Variants in SH3RF3 observed in about 807,000 individuals in gnomAD.
SH3RF3 encodes the protein E3 ubiquitin-protein ligase SH3RF3.
In SH3RF3, 29 loss-of-function variants were observed where a neutral mutation model predicts 66.3. That is an observed-to-expected ratio of 0.44 (90% CI 0.33 to 0.60). SH3RF3 has a LOEUF of 0.60. Among genes scored for constraint, SH3RF3 ranks in the 20% least tolerant of loss-of-function variants. The pLI is 0.04. For missense variants in SH3RF3, 1,194 were observed against 1,190.9 expected (o/e 1.00, Z -0.04); for synonymous variants, 583 against 532.0 (o/e 1.10, Z -1.32).
chr2:109,143,274 A>G (rs868609666), intron 1 of SH3RF3, among the ~76,000 whole-genome samples: 3 of 152,244 alleles, frequency 2.0e-5, no homozygotes, highest in Non-Finnish European at 4.4e-5. Context: ...GAACTCATTA[A>G]GTAAGTATCG....
chr2:109,431,145 C>T (rs145690481), intron 5 of SH3RF3, among the ~76,000 whole-genome samples: 10 of 152,306 alleles, frequency 6.6e-5, no homozygotes, highest in African/African-American at 2.4e-4. Flanking sequence ...AAGTGGGGTT[C>T]CTCCAGCATC....
At chr2:109,335,434 G>A (rs1258909602) in intron 1 of SH3RF3, among the ~76,000 whole-genome samples, 5 of 152,114 alleles carry the variant, frequency 3.3e-5, no homozygotes, top group East Asian at 1.9e-4. Flanking sequence ...TCTTCCACAC[G>A]CCACCTCCTC....
At chr2:109,298,459 G>C (rs529357450) in intron 1 of SH3RF3, among the ~76,000 whole-genome samples, 1 of 152,192 alleles carries the variant, frequency 6.6e-6, no homozygotes, top group Non-Finnish European at 1.5e-5. Context: ...ACGGCTCAGG[G>C]AAAAACCATT....
Position 109,437,137 on chromosome 2 carries a change from A to G in SH3RF3, c.1819A>G (p.Ile607Val). 1 of 1,610,268 alleles carries G rather than the reference A, an allele frequency of 6.2e-7. No individual in the cohort carries two copies. The highest frequency in any genetic ancestry group is 8.5e-7 in the Non-Finnish European group (1 of 1,177,564). Residue 607 changes from isoleucine (I) to valine (V), a missense_variant, in exon 7 of 10, where the codon ATT becomes GTT. Physicochemically the swap from Ile to Val is conservative, Grantham distance 29 (BLOSUM62 3). Coordinates refer to ENST00000309415, the MANE Select transcript of SH3RF3 (RefSeq NM_001099289.3). ...AACGGCCAGCCAAGCCCGGAGCACC[A>G]TTTCAACAGGTACCTTCACAGGGGC... is the stretch of plus-strand genomic sequence containing the variant. The part of the protein sequence containing the change: ...QPTASQARST[I>V]STAAHSAAQA...
intron 1 of SH3RF3, among the ~76,000 whole-genome samples, chr2:109,227,365 C>T (rs1346634583): frequency 6.6e-6 from 1 of 152,192 alleles, no homozygotes; most frequent in Non-Finnish European, 1.5e-5. Context: ...TCCTGGTTCT[C>T]AGGTCCTTAG....
At position 109,502,628 on chromosome 2, in the gene SH3RF3, T is replaced by G. The variant is rs1573302934; in HGVS notation, c.*957T>G. On this transcript the variant is annotated 3_prime_UTR_variant, in exon 10 of 10. Transcript: ENST00000309415. ...TTGGAAGCAGCCGGTTTCTTTAAAC[T>G]CTTACCAAAACCCCGCGCTCTGTCT... The G allele has an allele frequency of 6.6e-6, 1 of 152,162 alleles. No individual in the cohort carries two copies. The highest frequency in any genetic ancestry group is 2.4e-5 in the African/African-American group (1 of 41,432). 9.4% of individuals were successfully genotyped at this position (152,162 alleles called of 1,614,324 possible).
intron 1 of SH3RF3, among the ~76,000 whole-genome samples, chr2:109,170,261 T>TCTC (rs1553479465): frequency 1.8e-5 from 1 of 55,190 alleles, no homozygotes; most frequent in African/African-American, 5.3e-5. Context: ...TCTCTTCTCT[T>TCTC]CTCTTCTCTT....
At chr2:109,409,025 A>AG (rs1316071842) in intron 4 of SH3RF3, among the ~76,000 whole-genome samples, 3 of 152,232 alleles carry the variant, frequency 2.0e-5, no homozygotes, top group Non-Finnish European at 2.9e-5. Context: ...TAGGCGAGAA[A>AG]GGGGTCCTAT....
At chr2:109,275,883 T>C (rs1010206685) in intron 1 of SH3RF3, among the ~76,000 whole-genome samples, 2 of 152,192 alleles carry the variant, frequency 1.3e-5, no homozygotes, top group African/African-American at 4.8e-5. Context: ...GAGTCCACTC[T>C]AGGTTTATGG....
Position 109,437,073 on chromosome 2 carries a change from G to A in SH3RF3, c.1755G>A (p.Ser585=), listed in dbSNP as rs369152016. 97 of 1,613,506 alleles carry A rather than the reference G, an allele frequency of 6.0e-5. No individual in the cohort carries two copies. In the African/African-American group the frequency reaches 9.7e-4, roughly 16 times the overall value. Residue 585 remains serine (S), a synonymous_variant, in exon 7 of 10, where the codon TCG becomes TCA. Transcript: ENST00000309415. ...PQAHAQHPTA[S]PPTGSCLRHS... is the part of the protein sequence containing the mutation. ...CCCACGCCCAGCACCCCACAGCCTC[G>A]CCCCCAACAGGCAGCTGTCTACGGC...
In SH3RF3 at chr2:109,472,092, A is replaced by G. The variant is rs1678531125; in HGVS notation, c.2149-18513A>G. ...TTCAAATTCCCATCCTTTTCTAATT[A>G]TTAATTAGATTGTTAATTATTATTA... On this transcript the variant is annotated intron_variant, in intron 8 of 9. Coordinates refer to ENST00000309415, the MANE Select transcript of SH3RF3 (RefSeq NM_001099289.3). 2.0e-5 allele frequency among the ~76,000 whole-genome samples: 3 copies of G among 152,192 alleles called. No individual in the cohort carries two copies. In the South Asian group the frequency reaches 6.2e-4, roughly 32 times the overall value.
intron 1 of SH3RF3, among the ~76,000 whole-genome samples, chr2:109,300,828 T>G (rs1397441714): frequency 6.6e-6 from 1 of 152,200 alleles, no homozygotes; most frequent in Non-Finnish European, 1.5e-5. Flanking sequence ...CCACAGTCTT[T>G]GCCTTCCAAG....
intron 1 of SH3RF3, among the ~76,000 whole-genome samples, chr2:109,170,773 CCCATCTGTTT>C (rs1385740039): frequency 6.6e-6 from 1 of 152,210 alleles, no homozygotes; most frequent in African/African-American, 2.4e-5. Context: ...GTGCGGATGA[CCCATCTGTTT>C]CTCTCAGGAA....
At chr2:109,183,541 C>G (rs866023127) in intron 1 of SH3RF3, among the ~76,000 whole-genome samples, 3 of 152,278 alleles carry the variant, frequency 2.0e-5, no homozygotes, top group Non-Finnish European at 2.9e-5. Flanking sequence ...TAAACCAGGA[C>G]TAGAACATTT....
chr2:109,387,864 G>T (rs1163639254), intron 3 of SH3RF3, among the ~76,000 whole-genome samples: 1 of 152,016 alleles, frequency 6.6e-6, no homozygotes. Flanking sequence ...TGGTTGGGGG[G>T]GGGGTCTCCT....
intron 3 of SH3RF3, among the ~76,000 whole-genome samples, chr2:109,397,518 G>A (rs781151712): frequency 6.6e-6 from 1 of 152,174 alleles, no homozygotes; most frequent in Non-Finnish European, 1.5e-5. Flanking sequence ...CTTAGGCTGA[G>A]CCAAGTACAG....
At chr2:109,224,539 C>T (rs1010805499) in intron 1 of SH3RF3, among the ~76,000 whole-genome samples, 2 of 152,102 alleles carry the variant, frequency 1.3e-5, no homozygotes, top group African/African-American at 4.8e-5. Context: ...TGAATGTGGC[C>T]GGCGTGGCTC....
rs375859236 is a variant in SH3RF3 at position 109,489,958 on chromosome 2, G to A, written c.2149-647G>A. ...TCACCATGTTGGCCAGGCTGGTCTC[G>A]AACTCCTGACCTCAAGTGATCTGCC... On this transcript the variant is annotated intron_variant, in intron 8 of 9. Transcript: ENST00000309415. Among the ~76,000 whole-genome samples the A allele has an allele frequency of 3.4e-4, 52 of 152,242 alleles. No homozygotes were observed. In the East Asian group the frequency reaches 5.4e-3, roughly 16 times the overall value.
intron 3 of SH3RF3, among the ~76,000 whole-genome samples, chr2:109,384,187 C>T (rs1675764768): frequency 1.3e-5 from 2 of 152,162 alleles, no homozygotes; most frequent in Admixed American, 6.5e-5. Flanking sequence ...AGTCCTTAAG[C>T]GCCGGCTGCG....
Sources: gnomAD v4.1 joint callset for allele counts (sites outside exome capture counted in the v4.1 genomes callset) on GRCh38, gnomAD v4.1.1 for gene constraint, MANE v1.5 for transcripts, NCBI Gene and HGNC (gene_info 2026-07-23, HGNC 2026-07-21) for gene names.